Variants in PODXL observed in about 807,000 individuals in gnomAD.
PODXL encodes podocalyxin like.
In PODXL, 20 loss-of-function variants were observed where a neutral mutation model predicts 48.9. That is an observed-to-expected ratio of 0.41 (90% CI 0.29 to 0.59). The LOEUF is 0.59. Among genes scored for constraint, PODXL ranks in the 20% least tolerant of loss-of-function variants. The pLI is 0.31. For missense variants in PODXL, 606 were observed against 675.1 expected, an observed-to-expected ratio of 0.90 and a Z score of 1.13; for synonymous variants, 295 against 287.4, an observed-to-expected ratio of 1.03 and a Z score of -0.27.
At chr7:131,522,736 C>T (rs1330926416) in intron 1 of PODXL, among the ~76,000 whole-genome samples, 1 of 152,230 alleles carries the variant, frequency 6.6e-6, no homozygotes, top group Non-Finnish European at 1.5e-5. Flanking sequence ...CTAGAGAGTT[C>T]ATGTAAACGG....
At chr7:131,532,526 GGT>G (rs1562913122) in intron 1 of PODXL, among the ~76,000 whole-genome samples, 1 of 150,604 alleles carries the variant, frequency 6.6e-6, no homozygotes, top group African/African-American at 2.4e-5. Flanking sequence ...TTGGAGGGGG[GGT>G]ACATTTTTGG....
intron 5 of PODXL, among the ~76,000 whole-genome samples, chr7:131,507,705 C>T: frequency 6.6e-6 from 1 of 151,526 alleles, no homozygotes; most frequent in Non-Finnish European, 1.5e-5. Context: ...AATCACACAG[C>T]CTACCAAGCT....
At chr7:131,539,565 G>A (rs1197355581) in intron 1 of PODXL, among the ~76,000 whole-genome samples, 4 of 152,150 alleles carry the variant, frequency 2.6e-5, no homozygotes, top group Non-Finnish European at 4.4e-5. Context: ...TCCTGACCTC[G>A]TGATCAGCCT....
At chr7:131,550,375 C>T (rs1798649546) in intron 1 of PODXL, among the ~76,000 whole-genome samples, 4 of 152,246 alleles carry the variant, frequency 2.6e-5, no homozygotes, top group South Asian at 2.1e-4. Flanking sequence ...AGAGGTTTTT[C>T]GCCAGGCATG....
chr7:131,516,197 T>A (rs1287487721), intron 1 of PODXL, among the ~76,000 whole-genome samples: 1 of 152,174 alleles, frequency 6.6e-6, no homozygotes, highest in Non-Finnish European at 1.5e-5. Context: ...GAAACCTACA[T>A]TAAATAAAGC....
intron 1 of PODXL, among the ~76,000 whole-genome samples, chr7:131,549,435 TGGAGACCAAAG>T (rs751626033): frequency 1.3e-4 from 20 of 152,196 alleles, no homozygotes; most frequent in Non-Finnish European, 2.6e-4. Context: ...CCTGGCTGGA[TGGAGACCAAAG>T]GGACTCAGTC....
At chr7:131,547,395 A>AAAAAAAAAAC in intron 1 of PODXL, among the ~76,000 whole-genome samples, 2 of 151,592 alleles carry the variant, frequency 1.3e-5, no homozygotes, top group African/African-American at 2.4e-5. Flanking sequence ...AAAAAAAAAA[A>AAAAAAAAAAC]AAATCAACAC....
At chr7:131,541,974 A>C (rs1351758674) in intron 1 of PODXL, among the ~76,000 whole-genome samples, 1 of 152,174 alleles carries the variant, frequency 6.6e-6, no homozygotes, top group African/African-American at 2.4e-5. Context: ...GACATCAGAG[A>C]GGGGGGACAG....
At chr7:131,551,715 T>A (rs1263553304) in intron 1 of PODXL, among the ~76,000 whole-genome samples, 2 of 151,148 alleles carry the variant, frequency 1.3e-5, no homozygotes, top group Non-Finnish European at 2.9e-5. Context: ...GGCGGGCGGA[T>A]CATGAGGTCA....
intron 1 of PODXL, among the ~76,000 whole-genome samples, chr7:131,535,669 T>G (rs1431979702): frequency 6.6e-6 from 1 of 152,236 alleles, no homozygotes. Flanking sequence ...TGGGTTTGAC[T>G]GTGTTCCAAG....
chr7:131,508,889 TCTCC>T, intron 5 of PODXL, 58 bp downstream of exon 5: 1 of 1,142,244 alleles, frequency 8.8e-7, no homozygotes, highest in Non-Finnish European at 1.3e-6. Flanking sequence ...ATACATTCCC[TCTCC>T]CTCCCTCAGC....
chr7:131,521,045 G>A (rs1798084624), intron 1 of PODXL, among the ~76,000 whole-genome samples: 1 of 151,774 alleles, frequency 6.6e-6, no homozygotes, highest in Non-Finnish European at 1.5e-5. Context: ...GCAGGTGCCT[G>A]TAATCCCAGC....
chr7:131,514,957 C>T (rs1045501165), intron 1 of PODXL, among the ~76,000 whole-genome samples: 5 of 152,152 alleles, frequency 3.3e-5, no homozygotes, highest in African/African-American at 1.2e-4. Context: ...CAGGATTTGT[C>T]AACTCTGAAA....
intron 1 of PODXL, among the ~76,000 whole-genome samples, chr7:131,522,810 CTCT>C (rs2116816941): frequency 6.6e-6 from 1 of 152,324 alleles, no homozygotes; most frequent in East Asian, 1.9e-4. Context: ...TCAAGCTTTT[CTCT>C]TTCACTTTTG....
At chr7:131,544,280 G>A (rs1798528057) in intron 1 of PODXL, among the ~76,000 whole-genome samples, 1 of 152,218 alleles carries the variant, frequency 6.6e-6, no homozygotes, top group African/African-American at 2.4e-5. Context: ...GTTATAGCTG[G>A]CACATGGACA....
chr7:131,538,713 A>ACTGCTCCCCACTCCCCATC (rs1562915556), intron 1 of PODXL, among the ~76,000 whole-genome samples: 2 of 151,478 alleles, frequency 1.3e-5, no homozygotes, highest in South Asian at 4.2e-4. Context: ...CTCCCTCTCA[A>ACTGCTCCCCACTCCCCATC]CTGCTCCCCA....
At chr7:131,538,027 C>T (rs985872835) in intron 1 of PODXL, among the ~76,000 whole-genome samples, 1 of 152,204 alleles carries the variant, frequency 6.6e-6, no homozygotes, top group Non-Finnish European at 1.5e-5. Context: ...CTTCCGTGAC[C>T]ATCGCAGTCC....
Position 131,510,784 on chromosome 7 carries a change from C to T in PODXL, c.706+44G>A, listed in dbSNP as rs778553833. The T allele has an allele frequency of 2.5e-6, 4 of 1,612,734 alleles. No individual in the cohort carries two copies. In the African/African-American group the frequency reaches 5.3e-5, roughly 22 times the overall value. Reference sequence around the variant, plus strand: ...CTTTTCAGAGCCATCACGCCTGGCCCTGAAAAGTTTCTTGGTGCTTGAAGA... The same window carrying T: ...CTTTTCAGAGCCATCACGCCTGGCCTTGAAAAGTTTCTTGGTGCTTGAAGA... On this transcript the variant is annotated intron_variant, in intron 2 of 8. Transcript: ENST00000378555.
chr7:131,525,507 G>A (rs1470898594), intron 1 of PODXL, among the ~76,000 whole-genome samples: 2 of 151,070 alleles, frequency 1.3e-5, no homozygotes, highest in Admixed American at 1.3e-4. Context: ...CTACTCGGGA[G>A]GCAGGACCGC....
Sources: gnomAD v4.1 joint callset for allele counts (sites outside exome capture counted in the v4.1 genomes callset) on GRCh38, gnomAD v4.1.1 for gene constraint, MANE v1.5 for transcripts, NCBI Gene and HGNC (gene_info 2026-07-23, HGNC 2026-07-21) for gene names.